Variants in SEC14L2 observed in about 807,000 individuals in gnomAD.
SEC14L2 encodes SEC14-like protein 2.
In SEC14L2, 50 loss-of-function variants were observed where a neutral mutation model predicts 56.9. The ratio of observed to expected loss-of-function variants is 0.88; its 90% confidence interval spans 0.70 to 1.11. The LOEUF (loss-of-function observed/expected upper bound fraction) is 1.11, where lower values mean the gene tolerates loss of function less well. SEC14L2 is among the 50% of genes most tolerant of loss of function. The probability of loss-of-function intolerance (pLI) is 0.00; values close to 1 mark genes in which losing one functional copy is unlikely to be tolerated. For synonymous variants in SEC14L2, 179 were observed against 188.5 expected, an observed-to-expected ratio of 0.95 and a Z score of 0.41; for missense variants, 414 against 500.7, an observed-to-expected ratio of 0.83 and a Z score of 1.65.
intron 10 of SEC14L2, 71 bp from the exon 11 acceptor site, chr22:30,416,163 C>A: frequency 6.2e-7 from 1 of 1,608,972 alleles, no homozygotes; most frequent in Non-Finnish European, 8.5e-7. Context: ...ATAGGAGAAG[C>A]CCTGGTGCCA....
intron 2 of SEC14L2, among the ~76,000 whole-genome samples, chr22:30,402,575 T>G (rs1933969298): frequency 6.6e-6 from 1 of 152,114 alleles, no homozygotes; most frequent in African/African-American, 2.4e-5. Flanking sequence ...AACCTAGGAC[T>G]CCAGACTCCA....
intron 11 of SEC14L2, chr22:30,416,690 G>A (rs896783122): frequency 7.1e-7 from 1 of 1,407,886 alleles, no homozygotes; most frequent in Non-Finnish European, 9.2e-7. Flanking sequence ...TTCTGGTCCA[G>A]GTCTAACTGG....
At chr22:30,406,258 A>G in intron 2 of SEC14L2, 84 bp from the exon 3 acceptor site, 1 of 1,351,640 alleles carries the variant, frequency 7.4e-7, no homozygotes, top group Non-Finnish European at 1.1e-6. Context: ...AACTGGCCCT[A>G]TCATGGGAAT....
Position 30,424,883 on chromosome 22 carries a change from C to G in SEC14L2, c.*2476C>G. 1 of 450,920 alleles carries G rather than the reference C, an allele frequency of 2.2e-6. No individual in the cohort carries two copies. The highest frequency in any genetic ancestry group is 4.5e-6 in the Non-Finnish European group (1 of 223,132). The allele number at this position is 450,920 out of a possible 1,614,324, so 27.9% of individuals were successfully genotyped here. ...TAACCCCAACTCTGTCTCCCTTGCC[C>G]GATTCATTCATTCGTTAATTAATTC... On this transcript the variant is annotated 3_prime_UTR_variant, in exon 12 of 12. Transcript: ENST00000615189.
chr22:30,397,923 G>A, intron 1 of SEC14L2: 1 of 470,048 alleles, frequency 2.1e-6, no homozygotes, highest in Non-Finnish European at 4.4e-6. Context: ...AACAGTTTGA[G>A]GGCGGGACCT....
Position 30,410,613 on chromosome 22 carries a change from G to A in SEC14L2, c.598G>A (p.Val200Met), listed in dbSNP as rs1419764463. The change falls in exon 8 of 12, where the codon GTG becomes ATG. Residue 200 changes from valine to methionine, a missense_variant. Physicochemically the swap from Val to Met is conservative, Grantham distance 21. Coordinates refer to ENST00000615189, the MANE Select transcript of SEC14L2 (RefSeq NM_012429.5). Reference protein sequence around the residue: ...FVVKAPKLFPVAYNLIKPFLS... With the variant: ...FVVKAPKLFPMAYNLIKPFLS... ...TGTTCCAGCCCCCAAACTGTTTCCT[G>A]TGGCCTATAACCTCATCAAACCCTT... The A allele has an allele frequency of 1.2e-6, 2 of 1,614,066 alleles. No homozygotes were observed. The highest frequency in any genetic ancestry group is 1.3e-5 in the African/African-American group (1 of 74,944).
At position 30,399,845 on chromosome 22, in the gene SEC14L2, C is replaced by G. The variant is rs1001445670; in HGVS notation, c.130+127C>G. 3.7e-5 allele frequency: 26 copies of G among 701,940 alleles called. 1 individual carries two copies. In the South Asian group the frequency reaches 4.0e-4, roughly 11 times the overall value. 43.5% of individuals were successfully genotyped at this position (701,940 alleles called of 1,614,324 possible). On this transcript the variant is annotated intron_variant, in intron 2 of 11. Coordinates refer to ENST00000615189, the MANE Select transcript of SEC14L2 (RefSeq NM_012429.5). ...GTGTCCAACCTTTAGCGCCAAAGGG[C>G]CCTTGGCAATGACATAAGCTCAACC...
At chr22:30,412,257 C>CA (rs1051481575) in intron 8 of SEC14L2, among the ~76,000 whole-genome samples, 72 of 151,638 alleles carry the variant, frequency 4.7e-4, no homozygotes, top group Non-Finnish European at 9.3e-4. Flanking sequence ...TCTGTCTCTA[C>CA]AAAAAAAAGT....
chr22:30,415,870 G>A lies in SEC14L2; in HGVS notation c.771+5G>A, dbSNP rs1432236348. On this transcript the variant is annotated splice_donor_5th_base_variant and intron_variant, in intron 9 of 11. Transcript: ENST00000615189. ...AACCCCAAGTGCAAATCCAAGGTATGAGCCGCCAGAGGCTAGAGGTGAACA... is the reference window on the plus strand; with the variant it reads ...AACCCCAAGTGCAAATCCAAGGTATAAGCCGCCAGAGGCTAGAGGTGAACA... 1 of 1,614,088 alleles carries A rather than the reference G, an allele frequency of 6.2e-7. No homozygotes were observed. The highest frequency in any genetic ancestry group is 1.3e-5 in the African/African-American group (1 of 74,920).
chr22:30,416,159 G>C (rs1934384891), intron 10 of SEC14L2, 72 bp downstream of exon 10: 5 of 1,609,492 alleles, frequency 3.1e-6, no homozygotes, highest in Non-Finnish European at 4.3e-6. Context: ...TGGAATAGGA[G>C]AAGCCCTGGT....
chr22:30,408,153 T>C (rs1934150695), intron 5 of SEC14L2, among the ~76,000 whole-genome samples: 1 of 151,698 alleles, frequency 6.6e-6, no homozygotes, highest in Admixed American at 6.6e-5. Flanking sequence ...TTTAGCTTCA[T>C]AAAAAACTCA....
chr22:30,399,550 G>A (rs193140974), intron 1 of SEC14L2, 93 bp from the exon 2 acceptor site: 50 of 520,042 alleles, frequency 9.6e-5, no homozygotes, highest in South Asian at 2.0e-4. Context: ...AACAAAGAAA[G>A]AGGCGTCCAG....
At chr22:30,407,918 G>C (rs1308402116) in intron 5 of SEC14L2, among the ~76,000 whole-genome samples, 1 of 151,956 alleles carries the variant, frequency 6.6e-6, no homozygotes, top group Non-Finnish European at 1.5e-5. Flanking sequence ...CCAAGTTTTA[G>C]AATATTCCCA....
At chr22:30,412,836 C>CAAAAAAAAAAAAAAAAAAA (rs1934286893) in intron 8 of SEC14L2, among the ~76,000 whole-genome samples, 1 of 128,740 alleles carries the variant, frequency 7.8e-6, no homozygotes. Context: ...AAAAAAAAAA[C>CAAAAAAAAAAAAAAAAAAA]AAACAAAAAA....
rs749985644 is a variant in SEC14L2, at chr22:30,409,261, T to G, written c.498T>G (p.Pro166=). Residue 166 remains proline, a synonymous_variant, in exon 6 of 12, where the codon CCT becomes CCG. Transcript: ENST00000615189. ...TTGGCCTCAAGCATCTCTGGAAGCC[T>G]GCTGTGGAGGCCTATGGAGAGGTGA... The part of the protein sequence containing the change: ...EGLGLKHLWK[P]AVEAYGEFLC... 4 of 1,611,212 alleles carry G rather than the reference T, an allele frequency of 2.5e-6. No individual in the cohort carries two copies. The African/African-American group carries it at 5.4e-5, about 22-fold the overall frequency.
Position 30,422,614 on chromosome 22 carries a change from G to C in SEC14L2, c.*207G>C. On this transcript the variant is annotated 3_prime_UTR_variant, in exon 12 of 12. Transcript: ENST00000615189. ...ATACCTAAGGAGTCCCCAGGAGCTG[G>C]CTGGCCATCGTGATAGGATCTGTCT... The C allele has an allele frequency of 1.8e-6, 1 of 562,972 alleles. No homozygotes were observed. The highest frequency in any genetic ancestry group is 3.1e-6 in the Non-Finnish European group (1 of 325,474). The allele number at this position is 562,972 out of a possible 1,614,324, so 34.9% of individuals were successfully genotyped here.
chr22:30,408,738 T>C (rs1934166175), intron 5 of SEC14L2, among the ~76,000 whole-genome samples: 1 of 152,206 alleles, frequency 6.6e-6, no homozygotes, highest in South Asian at 2.1e-4. Flanking sequence ...CATCTACAAA[T>C]GTTCACAGAG....
In SEC14L2 at chr22:30,424,850, G is replaced by A. The variant is rs1206264692; in HGVS notation, c.*2443G>A. 1 of 456,496 alleles carries A rather than the reference G, an allele frequency of 2.2e-6. No individual in the cohort carries two copies. Among genetic ancestry groups the A allele is most frequent in the African/African-American group, 2.0e-5 (1 of 50,182 alleles). 28.3% of individuals were successfully genotyped at this position (456,496 alleles called of 1,614,324 possible). On this transcript the variant is annotated 3_prime_UTR_variant, in exon 12 of 12. Transcript: ENST00000615189. ...CAGCGGGGGAAGGCTTCCTCCTGTT[G>A]TAATCACTAACCCCAACTCTGTCTC...
At chr22:30,410,246 G>C (rs1486077718) in intron 7 of SEC14L2, among the ~76,000 whole-genome samples, 2 of 152,228 alleles carry the variant, frequency 1.3e-5, no homozygotes, top group African/African-American at 4.8e-5. Flanking sequence ...CTGGGTGACA[G>C]AGCAAGACTC....
Sources: gnomAD v4.1 joint callset for allele counts (sites outside exome capture counted in the v4.1 genomes callset) on GRCh38, gnomAD v4.1.1 for gene constraint, MANE v1.5 for transcripts, NCBI Gene and HGNC (gene_info 2026-07-23, HGNC 2026-07-21) for gene names.